The following NMT2 variants were observed in gnomAD, a reference collection of about 807,000 sequenced individuals.
The protein encoded by NMT2 is glycylpeptide N-tetradecanoyltransferase 2.
NMT2 carries 35 observed loss-of-function variants against 65.4 expected under a neutral mutation model. That is an observed-to-expected ratio of 0.54 (90% CI 0.41 to 0.71). NMT2 has a LOEUF of 0.71. Ranked by LOEUF, NMT2 falls within the 30% of genes least tolerant of loss-of-function variation. The probability of loss-of-function intolerance (pLI) is 0.00; values close to 1 mark genes in which losing one functional copy is unlikely to be tolerated. For synonymous variants in NMT2, 226 were observed against 231.8 expected, an observed-to-expected ratio of 0.98 and a Z score of 0.23; for missense variants, 489 against 611.3, an observed-to-expected ratio of 0.80 and a Z score of 2.11.
chr10:15,115,690 C>G (rs139888066), intron 9 of NMT2, among the ~76,000 whole-genome samples: 5 of 152,320 alleles, frequency 3.3e-5, no homozygotes, highest in African/African-American at 9.6e-5. Context: ...CAGCTATAGG[C>G]TGTTTCCAAG....
chr10:15,147,598 C>A (rs1373055068), intron 1 of NMT2, among the ~76,000 whole-genome samples: 2 of 150,674 alleles, frequency 1.3e-5, no homozygotes, highest in Non-Finnish European at 1.5e-5. Context: ...TTCCTATATG[C>A]AGAAATATAA....
chr10:15,135,030 G>A (rs1385384369), intron 3 of NMT2, among the ~76,000 whole-genome samples: 1 of 152,014 alleles, frequency 6.6e-6, no homozygotes, highest in Admixed American at 6.6e-5. Flanking sequence ...TGGGGAAATT[G>A]GATGTTTTTA....
At chr10:15,146,515 C>T (rs1377558344) in intron 1 of NMT2, among the ~76,000 whole-genome samples, 6 of 152,160 alleles carry the variant, frequency 3.9e-5, no homozygotes, top group African/African-American at 1.2e-4. Flanking sequence ...TGTGTCACTT[C>T]CTGCTGCCCA....
chr10:15,140,622 A>G (rs1564578639), intron 2 of NMT2, among the ~76,000 whole-genome samples: 1 of 151,256 alleles, frequency 6.6e-6, no homozygotes, highest in Admixed American at 6.6e-5. Context: ...GGCTCAATGG[A>G]TCCTCCCACC....
chr10:15,148,870 G>A (rs1206581444), intron 1 of NMT2, among the ~76,000 whole-genome samples: 1 of 152,126 alleles, frequency 6.6e-6, no homozygotes, highest in African/African-American at 2.4e-5. Flanking sequence ...CTTGACAAAA[G>A]AGGCAGACTT....
In NMT2 at chr10:15,107,829, A is replaced by C; in HGVS notation, c.*1366T>G. On this transcript the variant is annotated 3_prime_UTR_variant, in exon 12 of 12. Coordinates refer to ENST00000378165, the MANE Select transcript of NMT2 (RefSeq NM_004808.3). The stretch of plus-strand genomic sequence containing the variant: ...GGTTAGCATCTTATTTTTCCCGCAG[A>C]TTATTGGCAATATAAACACACATCT... The C allele has an allele frequency of 1.0e-6, 1 of 985,840 alleles. No homozygotes were observed. Among genetic ancestry groups the C allele is most frequent in the Non-Finnish European group, 1.2e-6 (1 of 829,930 alleles). The allele number at this position is 985,840 out of a possible 1,614,324, so 61.1% of individuals were successfully genotyped here. A position where few individuals can be genotyped will look rare whatever the true frequency, so the allele number is the denominator to read the frequency against.
rs547534252 is a variant in NMT2, at chr10:15,115,904, G to A, written c.1171-2941C>T. On this transcript the variant is annotated intron_variant, in intron 9 of 11. Coordinates refer to ENST00000378165, the MANE Select transcript of NMT2 (RefSeq NM_004808.3). Reference sequence around the variant, plus strand: ...GACACAAAGACCCTAATATACATGTGAGTATCAAACAAGAGGCCCAGAAGA... The same window carrying A: ...GACACAAAGACCCTAATATACATGTAAGTATCAAACAAGAGGCCCAGAAGA... Among the ~76,000 whole-genome samples, 514 of 152,280 alleles carry A rather than the reference G, an allele frequency of 3.4e-3. 4 individuals are homozygous for A. Among genetic ancestry groups the A allele is most frequent in the African/African-American group, 0.012 (483 of 41,550 alleles).
chr10:15,153,713 A>G (rs926172745), intron 1 of NMT2, among the ~76,000 whole-genome samples: 1 of 151,916 alleles, frequency 6.6e-6, no homozygotes, highest in Non-Finnish European at 1.5e-5. Flanking sequence ...TGCAGTGGCC[A>G]ATCTCGGCTC....
intron 2 of NMT2, among the ~76,000 whole-genome samples, chr10:15,140,527 TA>T (rs1352506539): frequency 6.6e-4 from 101 of 152,176 alleles, no homozygotes; most frequent in Non-Finnish European, 1.2e-3. Flanking sequence ...TTTCTTTTTT[TA>T]TTTTTTTCAG....
intron 2 of NMT2, among the ~76,000 whole-genome samples, chr10:15,139,071 G>C (rs1377379295): frequency 1.3e-5 from 2 of 152,122 alleles, no homozygotes; most frequent in African/African-American, 4.8e-5. Context: ...TGTGAAAAGA[G>C]AGACTGGCCT....
rs1845394203 is a variant in NMT2 at position 15,108,513 on chromosome 10, G to A, written c.*682C>T. 2.0e-6 allele frequency: 2 copies of A among 985,654 alleles called. No individual in the cohort carries two copies. Among genetic ancestry groups the A allele is most frequent in the Non-Finnish European group, 2.4e-6 (2 of 830,130 alleles). The allele number at this position is 985,654 out of a possible 1,614,324, so 61.1% of individuals were successfully genotyped here. A position where few individuals can be genotyped will look rare whatever the true frequency, so the allele number is the denominator to read the frequency against. ...GGCTCTTTCAGAGAGCACAGTGAGT[G>A]CTTGCACAAAACTCTGCTTTTGAAG... On this transcript the variant is annotated 3_prime_UTR_variant, in exon 12 of 12. Transcript: ENST00000378165.
rs1239422956 is a variant in NMT2 at position 15,127,546 on chromosome 10, C to CAA, written c.999+802_999+803dup. 1.8e-3 allele frequency among the ~76,000 whole-genome samples: 94 copies of CAA among 51,314 alleles called. 1 individual carries two copies. Among genetic ancestry groups the CAA allele is most frequent in the African/African-American group, 2.3e-3 (47 of 20,284 alleles). The allele number at this position is 51,314 out of a possible 152,430, so 33.7% of individuals were successfully genotyped here. On this transcript the variant is annotated intron_variant, in intron 8 of 11. Coordinates refer to ENST00000378165, the MANE Select transcript of NMT2 (RefSeq NM_004808.3). ...TGGGCGACAGAGTGAGACTCCGTCT[C>CAA]AAAAAAAAAAAAAAAAAAAAAAAAT...
At chr10:15,163,421 T>C (rs950197230) in intron 1 of NMT2, among the ~76,000 whole-genome samples, 2 of 152,166 alleles carry the variant, frequency 1.3e-5, no homozygotes, top group African/African-American at 2.4e-5. Context: ...TGGAAAAAAT[T>C]TGTTCTGGGC....
chr10:15,123,095 A>T (rs746555650), intron 8 of NMT2, among the ~76,000 whole-genome samples: 1 of 152,212 alleles, frequency 6.6e-6, no homozygotes. Flanking sequence ...AAAAAGTATC[A>T]TAAGTTTGGC....
At chr10:15,163,983 T>C (rs1833288524) in intron 1 of NMT2, among the ~76,000 whole-genome samples, 1 of 151,808 alleles carries the variant, frequency 6.6e-6, no homozygotes, top group Non-Finnish European at 1.5e-5. Flanking sequence ...ATGGAGACCA[T>C]CCTGGCTAAC....
At chr10:15,123,531 G>GAAAAAAACA (rs1845989488) in intron 8 of NMT2, among the ~76,000 whole-genome samples, 1 of 52,532 alleles carries the variant, frequency 1.9e-5, no homozygotes, top group Non-Finnish European at 3.8e-5. Flanking sequence ...TCGTCTCACA[G>GAAAAAAACA]AAAAAAAAAA....
At chr10:15,160,773 C>T (rs1833160928) in intron 1 of NMT2, among the ~76,000 whole-genome samples, 1 of 150,866 alleles carries the variant, frequency 6.6e-6, no homozygotes, top group African/African-American at 2.4e-5. Context: ...GACTCCATTG[C>T]AAAAAATAAA....
At position 15,143,842 on chromosome 10, in the gene NMT2, G is replaced by T. The variant is rs531387685; in HGVS notation, c.111-2285C>A. Among the ~76,000 whole-genome samples the T allele has an allele frequency of 2.8e-3, 422 of 152,300 alleles. 3 individuals are homozygous for T. Among genetic ancestry groups the T allele is most frequent in the African/African-American group, 9.4e-3 (389 of 41,560 alleles). ...TGCACTCCAGCCTGGGCAACAGAGT[G>T]AGACCCTGTCTCAAAAACAACTACA... On this transcript the variant is annotated intron_variant, in intron 1 of 11. Transcript: ENST00000378165.
intron 4 of NMT2, 50 bp downstream of exon 4, chr10:15,133,195 A>T: frequency 6.2e-7 from 1 of 1,600,462 alleles, no homozygotes; most frequent in South Asian, 1.1e-5. Context: ...TCAACTTAGA[A>T]GCAATGTGTG....
Sources: allele counts gnomAD v4.1 joint callset (sites outside exome capture counted in the v4.1 genomes callset), GRCh38; gene constraint gnomAD v4.1.1; transcripts MANE v1.5; gene names NCBI Gene and HGNC (gene_info 2026-07-23, HGNC 2026-07-21).